Variants in OTOGL observed in about 807,000 individuals in gnomAD.
OTOGL encodes the protein otogelin like, also known as otogelin-like protein.
OTOGL carries 285 observed loss-of-function variants against 318.5 expected under a neutral mutation model. That is an observed-to-expected ratio of 0.89 (90% CI 0.81 to 0.99). The LOEUF is 0.99. OTOGL is among the 50% of genes least tolerant of loss of function. OTOGL has a pLI of 0.00. For missense variants in OTOGL, 2,899 were observed against 2,845.6 expected, an observed-to-expected ratio of 1.02 and a Z score of -0.43; for synonymous variants, 987 against 936.5, an observed-to-expected ratio of 1.05 and a Z score of -0.99.
rs10715159 is a variant in OTOGL, at chr12:80,339,298, G to GTTTTTT, written c.5050+54_5050+59dup. The GTTTTTT allele has an allele frequency of 4.3e-3, 2,294 of 536,694 alleles. 2 individuals carry two copies. Among genetic ancestry groups the GTTTTTT allele is most frequent in the South Asian group, 9.6e-3 (299 of 31,232 alleles). The allele number at this position is 536,694 out of a possible 1,614,324, so 33.2% of individuals were successfully genotyped here. A position where few individuals can be genotyped will look rare whatever the true frequency, so the allele number is the denominator to read the frequency against. On this transcript the variant is annotated intron_variant, in intron 43 of 58. Transcript: ENST00000547103. ...TGCCCTTCAAATCTTGATTTCGTCT[G>GTTTTTT]TTTTTTTTTTTTTTTTTTTTTTTTT...
At chr12:80,218,792 T>C (rs572434054) in intron 5 of OTOGL, among the ~76,000 whole-genome samples, 109 of 145,092 alleles carry the variant, frequency 7.5e-4, no homozygotes, top group African/African-American at 2.8e-3. Flanking sequence ...TTTCTTTTTC[T>C]TTCTTTTTTT....
intron 37 of OTOGL, among the ~76,000 whole-genome samples, chr12:80,331,629 C>T (rs1039695083): frequency 3.3e-5 from 5 of 152,018 alleles, no homozygotes; most frequent in African/African-American, 4.8e-5. Flanking sequence ...TGACAGCCAC[C>T]GTGCCCGGCC....
At chr12:80,290,709 A>C (rs1409830471) in intron 26 of OTOGL, among the ~76,000 whole-genome samples, 1 of 152,140 alleles carries the variant, frequency 6.6e-6, no homozygotes, top group Non-Finnish European at 1.5e-5. Context: ...AAAGCATTAA[A>C]AATCTTGTTC....
intron 19 of OTOGL, among the ~76,000 whole-genome samples, chr12:80,262,524 C>A (rs1882629656): frequency 6.6e-6 from 1 of 152,012 alleles, no homozygotes; most frequent in African/African-American, 2.4e-5. Flanking sequence ...CTACTCATAG[C>A]ATATATTATG....
At chr12:80,219,395 A>C (rs755112072) in intron 5 of OTOGL, among the ~76,000 whole-genome samples, 1 of 152,226 alleles carries the variant, frequency 6.6e-6, no homozygotes, top group Non-Finnish European at 1.5e-5. Flanking sequence ...TACAGGCATG[A>C]GAGACCCTAT....
chr12:80,114,437 A>G (rs1203210628), intron 1 of OTOGL, among the ~76,000 whole-genome samples: 1 of 152,156 alleles, frequency 6.6e-6, no homozygotes, highest in Non-Finnish European at 1.5e-5. Flanking sequence ...GTTGCATATT[A>G]GCCCCTACAC....
intron 1 of OTOGL, among the ~76,000 whole-genome samples, chr12:80,127,770 T>A (rs1464426901): frequency 6.6e-6 from 1 of 152,158 alleles, no homozygotes; most frequent in Non-Finnish European, 1.5e-5. Context: ...AACTTCTTTA[T>A]TTGCTTCATT....
At chr12:80,144,092 C>CTTTAAGTT (rs1872147516) in intron 1 of OTOGL, among the ~76,000 whole-genome samples, 2 of 148,732 alleles carry the variant, frequency 1.3e-5, no homozygotes, top group Non-Finnish European at 3.0e-5. Flanking sequence ...TTTTAGGGTA[C>CTTTAAGTT]TTGTGCACAT....
chr12:80,101,890 T>C (rs1462403581), intron 1 of OTOGL, among the ~76,000 whole-genome samples: 2 of 152,234 alleles, frequency 1.3e-5, no homozygotes, highest in Non-Finnish European at 2.9e-5. Flanking sequence ...GAAAATACTT[T>C]GGGAAGAGCT....
intron 1 of OTOGL, among the ~76,000 whole-genome samples, chr12:80,155,906 T>C (rs1873083815): frequency 6.6e-6 from 1 of 152,252 alleles, no homozygotes; most frequent in Non-Finnish European, 1.5e-5. Context: ...TCACTTAGCA[T>C]GATGACCTCC....
chr12:80,221,096 C>T (rs1333142012), intron 6 of OTOGL, among the ~76,000 whole-genome samples: 2 of 151,756 alleles, frequency 1.3e-5, no homozygotes, highest in African/African-American at 4.8e-5. Flanking sequence ...TACTGGTTTT[C>T]ATATTATTCT....
chr12:80,306,794 T>A (rs201268305), intron 29 of OTOGL, among the ~76,000 whole-genome samples: 4 of 129,138 alleles, frequency 3.1e-5, no homozygotes, highest in Admixed American at 2.4e-4. Flanking sequence ...TAAATTTTAT[T>A]TTATTATTAT....
At chr12:80,130,557 G>A (rs1871175433) in intron 1 of OTOGL, among the ~76,000 whole-genome samples, 1 of 152,192 alleles carries the variant, frequency 6.6e-6, no homozygotes, top group Admixed American at 6.5e-5. Flanking sequence ...TGGAAGTCAG[G>A]GGACTAGGGT....
chr12:80,343,528 T>TTTC, intron 44 of OTOGL: 4 of 140,520 alleles, frequency 2.8e-5, no homozygotes, highest in African/African-American at 1.0e-4. Flanking sequence ...TTTTTTTTTT[T>TTTC]TTTTTTTTAA....
Position 80,323,763 on chromosome 12 carries a change from G to A in OTOGL, c.4122G>A (p.Trp1374Ter), listed in dbSNP as rs1887501428. The A allele has an allele frequency of 6.2e-7, 1 of 1,613,776 alleles. No individual in the cohort carries two copies. ...AAVPYRKMCE[W>*]RYEPCATPCF... ...TGCCTTACAGGAAGATGTGTGAATG[G>A]AGATATGAACCTTGTGCTACACCCT... Residue 1374 changes from tryptophan (W) to a stop codon, truncating the protein, a stop_gained, in exon 35 of 59, where the codon TGG becomes TGA. Coordinates refer to ENST00000547103, the MANE Select transcript of OTOGL (RefSeq NM_001378609.3). LOFTEE classifies it high-confidence loss of function.
In OTOGL at chr12:80,342,168, T is replaced by A; in HGVS notation, c.5265+6T>A. ...TCATTCCATGTCATGATAAAGTAAGTTGGAAGCAACCATAAATAATACTTT... is the reference window on the plus strand; with the variant it reads ...TCATTCCATGTCATGATAAAGTAAGATGGAAGCAACCATAAATAATACTTT... On this transcript the variant is annotated splice_donor_region_variant and intron_variant, in intron 44 of 58. Coordinates refer to ENST00000547103, the MANE Select transcript of OTOGL (RefSeq NM_001378609.3). 6.5e-7 allele frequency: 1 copy of A among 1,544,112 alleles called. No individual in the cohort carries two copies. Among genetic ancestry groups the A allele is most frequent in the Non-Finnish European group, 8.8e-7 (1 of 1,135,138 alleles).
At chr12:80,307,362 C>T (rs1886211668) in intron 29 of OTOGL, among the ~76,000 whole-genome samples, 1 of 151,736 alleles carries the variant, frequency 6.6e-6, no homozygotes, top group Admixed American at 6.6e-5. Flanking sequence ...CAGAGGGGCT[C>T]CTCACTTCCC....
chr12:80,198,073 A>T (rs1876205106), intron 1 of OTOGL, among the ~76,000 whole-genome samples: 1 of 152,188 alleles, frequency 6.6e-6, no homozygotes, highest in Non-Finnish European at 1.5e-5. Context: ...CCCAAGGAAG[A>T]TTTGTGGGAG....
intron 18 of OTOGL, among the ~76,000 whole-genome samples, chr12:80,258,400 A>G (rs975015688): frequency 1.3e-5 from 2 of 152,066 alleles, no homozygotes; most frequent in African/African-American, 4.8e-5. Flanking sequence ...AAAACCCTCA[A>G]TATCAGTATG....
Sources: gnomAD v4.1 joint callset for allele counts (sites outside exome capture counted in the v4.1 genomes callset) on GRCh38, gnomAD v4.1.1 for gene constraint, MANE v1.5 for transcripts, NCBI Gene and HGNC (gene_info 2026-07-23, HGNC 2026-07-21) for gene names.